ZNF69: variants seen among roughly 807,000 people sequenced by gnomAD.
ZNF69 encodes the protein ZNF3.
ZNF69 carries 47 observed loss-of-function variants against 50.9 expected under a neutral mutation model. The observed-to-expected ratio is 0.92, with a 90% CI of 0.73 to 1.18. The LOEUF is 1.18. ZNF69 is among the 50% of genes most tolerant of loss of function. ZNF69 has a pLI of 0.00. For synonymous variants in ZNF69, 216 were observed against 223.1 expected, an observed-to-expected ratio of 0.97 and a Z score of 0.29; for missense variants, 717 against 675.1, an observed-to-expected ratio of 1.06 and a Z score of -0.69.
At chr19:11,914,711 A>G (rs2145257610), downstream of ZNF69, among the ~76,000 whole-genome samples, 1 of 152,326 alleles carries the variant, frequency 6.6e-6, no homozygotes, top group South Asian at 2.1e-4. Flanking sequence ...GTACCAATGA[A>G]GCTGCTCTTC....
chr19:11,910,312 A>G (rs1449546508), downstream of ZNF69, among the ~76,000 whole-genome samples: 1 of 152,166 alleles, frequency 6.6e-6, no homozygotes, highest in Non-Finnish European at 1.5e-5. Flanking sequence ...ACAGAATTGG[A>G]AAAAACTACT....
At chr19:11,930,425 A>T in the ZNF69 span, among the ~76,000 whole-genome samples, 1 of 148,460 alleles carries the variant, frequency 6.7e-6, no homozygotes, top group East Asian at 1.9e-4. Flanking sequence ...AACTGGGAGG[A>T]GGTGTAGAAC....
chr19:11,895,722 G>T (rs1977209539), intron 1 of ZNF69, among the ~76,000 whole-genome samples: 1 of 152,148 alleles, frequency 6.6e-6, no homozygotes, highest in Admixed American at 6.5e-5. Flanking sequence ...TAAAGAAAAT[G>T]CATGCTAAGG....
At chr19:11,921,978 AG>A in the ZNF69 span, among the ~76,000 whole-genome samples, 1 of 152,306 alleles carries the variant, frequency 6.6e-6, no homozygotes, top group Admixed American at 6.5e-5. Context: ...TGGCAAGGCA[AG>A]GGTTAAAAAG....
At chr19:11,896,516 G>T (rs1972125719) in intron 1 of ZNF69, among the ~76,000 whole-genome samples, 1 of 152,076 alleles carries the variant, frequency 6.6e-6, no homozygotes, top group Non-Finnish European at 1.5e-5. Flanking sequence ...CCGCTTCCTG[G>T]TTTTGCAGAT....
the ZNF69 span, among the ~76,000 whole-genome samples, chr19:11,957,297 T>G: frequency 3.3e-5 from 5 of 151,782 alleles, no homozygotes; most frequent in Non-Finnish European, 7.4e-5. Flanking sequence ...GGTTTCACCA[T>G]GTTAGCCAGG....
intron 1 of ZNF69, among the ~76,000 whole-genome samples, chr19:11,900,246 C>T (rs1014610944): frequency 6.6e-6 from 1 of 151,784 alleles, no homozygotes; most frequent in Non-Finnish European, 1.5e-5. Flanking sequence ...AGCCACTGCA[C>T]CCGGCCTGTT....
chr19:11,929,990 T>C, the ZNF69 span, among the ~76,000 whole-genome samples: 3 of 148,136 alleles, frequency 2.0e-5, no homozygotes, highest in African/African-American at 7.9e-5. Context: ...TTTCCAGATT[T>C]TGAGTTTTAG....
the ZNF69 span, chr19:11,979,441 C>A: frequency 6.2e-7 from 1 of 1,607,404 alleles, no homozygotes; most frequent in Admixed American, 1.7e-5. Context: ...TAAGAATACA[C>A]TCTGGAGAAA....
At chr19:11,942,486 C>T in the ZNF69 span, among the ~76,000 whole-genome samples, 1 of 152,132 alleles carries the variant, frequency 6.6e-6, no homozygotes, top group African/African-American at 2.4e-5. Context: ...GCAGACAAAA[C>T]CTCTCAGACA....
At chr19:11,973,716 A>AT in the ZNF69 span, among the ~76,000 whole-genome samples, 1 of 148,110 alleles carries the variant, frequency 6.8e-6, no homozygotes, top group African/African-American at 2.5e-5. Context: ...AGACCTTGTT[A>AT]ATTTTTTTTT....
chr19:11,979,219 A>G, the ZNF69 span: 1 of 1,611,966 alleles, frequency 6.2e-7, no homozygotes, highest in Non-Finnish European at 8.5e-7. Context: ...TAAAGCCTTC[A>G]ATCTTTCCAG....
At chr19:11,941,659 T>C in the ZNF69 span, among the ~76,000 whole-genome samples, 1 of 151,764 alleles carries the variant, frequency 6.6e-6, no homozygotes, top group African/African-American at 2.4e-5. Flanking sequence ...GCAGCCCCAG[T>C]TCCCGCTCGC....
chr19:11,911,681 G>A (rs1438387674), downstream of ZNF69, among the ~76,000 whole-genome samples: 1 of 152,140 alleles, frequency 6.6e-6, no homozygotes, highest in African/African-American at 2.4e-5. Context: ...ATGGGGTAGG[G>A]GGAGGGGAGA....
At chr19:11,947,552 C>A in the ZNF69 span, 1 of 1,613,516 alleles carries the variant, frequency 6.2e-7, no homozygotes, top group South Asian at 1.1e-5. Flanking sequence ...ATATGAGTAC[C>A]AAAACCCCAG....
downstream of ZNF69, among the ~76,000 whole-genome samples, chr19:11,917,964 T>G (rs142829626): frequency 4.9e-4 from 74 of 152,158 alleles, no homozygotes; most frequent in East Asian, 0.014. Context: ...ATTTTTGCAT[T>G]TTTAGTAGAG....
chr19:11,944,309 G>T, the ZNF69 span, among the ~76,000 whole-genome samples: 2 of 143,874 alleles, frequency 1.4e-5, no homozygotes, highest in Non-Finnish European at 2.9e-5. Flanking sequence ...TTCTAGAAGG[G>T]GTAAATTTAA....
At chr19:11,950,372 C>A in the ZNF69 span, 1 of 1,041,682 alleles carries the variant, frequency 9.6e-7, no homozygotes, top group Non-Finnish European at 1.5e-6. Flanking sequence ...AGGACTCACA[C>A]TGGGGAGAAA....
chr19:11,953,956 T>G, the ZNF69 span, among the ~76,000 whole-genome samples: 9,861 of 152,228 alleles, frequency 0.065, 500 homozygotes, highest in African/African-American at 0.14. Flanking sequence ...TTTCTGGTTA[T>G]ATATGGAAAA....
Sources: gnomAD v4.1 joint callset for allele counts (sites outside exome capture counted in the v4.1 genomes callset) on GRCh38, gnomAD v4.1.1 for gene constraint, MANE v1.5 for transcripts, NCBI Gene and HGNC (gene_info 2026-07-23, HGNC 2026-07-21) for gene names.